PTPRD: variants seen among roughly 807,000 people sequenced by gnomAD.
PTPRD encodes protein tyrosine phosphatase receptor type D.
Under a neutral mutation model 214.5 loss-of-function variants are expected in PTPRD, and 34 were observed. The ratio of observed to expected loss-of-function variants is 0.16; its 90% CI spans 0.12 to 0.21. The LOEUF is 0.21. Among genes scored for constraint, PTPRD ranks in the 10% least tolerant of loss-of-function variants. PTPRD has a pLI of 1.00. For synonymous variants in PTPRD, 1,128 were observed against 845.7 expected, an observed-to-expected ratio of 1.33 and a Z score of -5.79; for missense variants, 2,545 against 2,398.7, an observed-to-expected ratio of 1.06 and a Z score of -1.27.
intron 10 of PTPRD, among the ~76,000 whole-genome samples, chr9:9,122,245 A>C (rs1049202298): frequency 6.6e-6 from 1 of 152,224 alleles, no homozygotes; most frequent in Non-Finnish European, 1.5e-5. Context: ...TAAGAGAAGC[A>C]ACACTTATTC....
At chr9:8,556,452 G>C (rs2083781585) in intron 14 of PTPRD, among the ~76,000 whole-genome samples, 1 of 152,116 alleles carries the variant, frequency 6.6e-6, no homozygotes, top group African/African-American at 2.4e-5. Flanking sequence ...GGAAATGGCT[G>C]AAAGTATATA....
intron 36 of PTPRD, among the ~76,000 whole-genome samples, chr9:8,395,632 A>AT (rs5896244): frequency 2.7e-4 from 40 of 149,940 alleles, no homozygotes; most frequent in East Asian, 1.4e-3. Flanking sequence ...AACACATAGA[A>AT]TTTTTTTTTT....
chr9:8,337,132 T>C (rs957986242), intron 43 of PTPRD, among the ~76,000 whole-genome samples: 14 of 152,086 alleles, frequency 9.2e-5, no homozygotes, highest in South Asian at 2.1e-4. Context: ...CATTCTACTA[T>C]AAAGACACAT....
chr9:9,254,246 A>G (rs2099976753), intron 9 of PTPRD, among the ~76,000 whole-genome samples: 2 of 152,054 alleles, frequency 1.3e-5, no homozygotes, highest in Admixed American at 6.6e-5. Flanking sequence ...TTCATTAGGA[A>G]TTCTATTAGA....
intron 11 of PTPRD, among the ~76,000 whole-genome samples, chr9:8,977,563 C>A (rs1252271173): frequency 6.6e-6 from 1 of 151,818 alleles, no homozygotes; most frequent in African/African-American, 2.4e-5. Flanking sequence ...CAGTCATCAT[C>A]TTGAACCCTC....
chr9:10,388,747 G>A (rs1320380287), intron 2 of PTPRD, among the ~76,000 whole-genome samples: 3 of 151,874 alleles, frequency 2.0e-5, no homozygotes, highest in South Asian at 2.1e-4. Flanking sequence ...ACTTTGATAA[G>A]TTAGTTTCTT....
chr9:9,880,413 C>A (rs2068289669), intron 5 of PTPRD, among the ~76,000 whole-genome samples: 1 of 152,104 alleles, frequency 6.6e-6, no homozygotes, highest in South Asian at 2.1e-4. Context: ...TAATGTACTC[C>A]TCAGATGTTA....
At chr9:10,256,648 T>A (rs2093305891) in intron 3 of PTPRD, among the ~76,000 whole-genome samples, 2 of 152,334 alleles carry the variant, frequency 1.3e-5, no homozygotes, top group Admixed American at 1.3e-4. Context: ...ACTAATCAGT[T>A]ATCAGATAAC....
Position 9,039,214 on chromosome 9 carries a change from A to G in PTPRD, c.-142-20479T>C, listed in dbSNP as rs535757210. On this transcript the variant is annotated intron_variant, in intron 10 of 45. Transcript: ENST00000381196. ...CTGGAATATAATTGAAGTTATTTGT[A>G]TTTATGAAGAGAACTTGTCAATCAG... 1.3e-4 allele frequency among the ~76,000 whole-genome samples: 20 copies of G among 152,268 alleles called. No individual in the cohort carries two copies. In the South Asian group the frequency reaches 4.1e-3, roughly 32 times the overall value.
intron 4 of PTPRD, among the ~76,000 whole-genome samples, chr9:10,005,485 TTC>T (rs763602640): frequency 2.0e-5 from 3 of 152,124 alleles, no homozygotes; most frequent in Admixed American, 6.6e-5. Flanking sequence ...TTATTATTGT[TTC>T]TGTTTTTTCT....
chr9:9,929,185 A>G (rs1312099723), intron 5 of PTPRD, among the ~76,000 whole-genome samples: 1 of 152,168 alleles, frequency 6.6e-6, no homozygotes. Flanking sequence ...GGATGTGCAT[A>G]CTGGGGGAGA....
chr9:8,726,040 C>CACAT (rs771915871), intron 12 of PTPRD, among the ~76,000 whole-genome samples: 10 of 147,674 alleles, frequency 6.8e-5, no homozygotes, highest in East Asian at 3.9e-4. Context: ...CACACACACA[C>CACAT]ACACACACAC....
chr9:10,497,777 T>C (rs1426302131), intron 2 of PTPRD, among the ~76,000 whole-genome samples: 2 of 152,016 alleles, frequency 1.3e-5, no homozygotes, highest in Non-Finnish European at 2.9e-5. Context: ...ATGAAAGATT[T>C]GCTATTATGT....
At chr9:9,716,789 A>G (rs1245800019) in intron 7 of PTPRD, among the ~76,000 whole-genome samples, 4 of 151,644 alleles carry the variant, frequency 2.6e-5, no homozygotes, top group East Asian at 1.9e-4. Flanking sequence ...ATTTTCTCCC[A>G]TTTTGTAGGT....
intron 39 of PTPRD, among the ~76,000 whole-genome samples, chr9:8,353,441 AATGAATG>A (rs2076056204): frequency 6.6e-6 from 1 of 151,342 alleles, no homozygotes; most frequent in Non-Finnish European, 1.5e-5. Context: ...TGAATGAATG[AATGAATG>A]AGATGGAGTC....
rs116418555 is a variant in PTPRD, at chr9:8,847,393, T to C, written c.-103-113447A>G. Among the ~76,000 whole-genome samples, 340 of 152,228 alleles carry C rather than the reference T, an allele frequency of 2.2e-3. 1 individual carries two copies. The highest frequency in any genetic ancestry group is 7.5e-3 in the African/African-American group (312 of 41,554). ...CCTTGCTACATATTACCTAAAAAAGTACACCCTGCTTCATGCTTCTAGGAA... is the reference window on the plus strand; with the variant it reads ...CCTTGCTACATATTACCTAAAAAAGCACACCCTGCTTCATGCTTCTAGGAA... On this transcript the variant is annotated intron_variant, in intron 11 of 45. Transcript: ENST00000381196.
At chr9:10,374,459 G>A (rs369545180) in intron 2 of PTPRD, among the ~76,000 whole-genome samples, 1 of 151,988 alleles carries the variant, frequency 6.6e-6, no homozygotes, top group Admixed American at 6.6e-5. Context: ...CAAGCACTCT[G>A]GTCCGTGCTT....
chr9:10,105,860 G>C (rs922455537), intron 3 of PTPRD, among the ~76,000 whole-genome samples: 1 of 151,240 alleles, frequency 6.6e-6, no homozygotes, highest in African/African-American at 2.4e-5. Context: ...GGTAGCCAAG[G>C]GTCTTACATG....
intron 9 of PTPRD, among the ~76,000 whole-genome samples, chr9:9,265,949 T>A (rs954960990): frequency 1.3e-5 from 2 of 151,530 alleles, no homozygotes; most frequent in Non-Finnish European, 3.0e-5. Flanking sequence ...GCTAAATGGT[T>A]CAGTAAACAA....
Sources: gnomAD v4.1 joint callset for allele counts (sites outside exome capture counted in the v4.1 genomes callset) on GRCh38, gnomAD v4.1.1 for gene constraint, MANE v1.5 for transcripts, NCBI Gene and HGNC (gene_info 2026-07-23, HGNC 2026-07-21) for gene names.